The following SMARCA4 variants were observed in gnomAD, a reference collection of about 807,000 sequenced individuals.
The protein encoded by SMARCA4 is SWI/SNF related BAF chromatin remodeling complex subunit ATPase 4.
Under a neutral mutation model 193.9 loss-of-function variants are expected in SMARCA4, and 31 were observed. The observed-to-expected ratio is 0.16, with a 90% confidence interval of 0.12 to 0.22. The LOEUF (loss-of-function observed/expected upper bound fraction) is 0.22, where lower values mean the gene tolerates loss of function less well. Among genes scored for constraint, SMARCA4 ranks in the 10% least tolerant of loss-of-function variants. The pLI, the probability that SMARCA4 is intolerant of heterozygous loss-of-function variation, is 1.00. For synonymous variants in SMARCA4, 942 were observed against 933.1 expected, an observed-to-expected ratio of 1.01 and a Z score of -0.17; for missense variants, 1,148 against 2,296.0, an observed-to-expected ratio of 0.50 and a Z score of 10.22.
At chr19:11,008,644 C>T (rs551276872) in intron 14 of SMARCA4, among the ~76,000 whole-genome samples, 25 of 152,280 alleles carry the variant, frequency 1.6e-4, no homozygotes, top group Middle Eastern at 6.8e-3. Flanking sequence ...GTAATCTCTT[C>T]ATTGCTTATG....
chr19:10,999,371 T>C (rs1023939478), intron 11 of SMARCA4, among the ~76,000 whole-genome samples: 2 of 152,176 alleles, frequency 1.3e-5, no homozygotes, highest in Middle Eastern at 3.2e-3. Context: ...ATATTAAAAC[T>C]TGTGGCTGGG....
At chr19:10,989,583 C>A in intron 7 of SMARCA4, 140 bp downstream of exon 7, 1 of 919,942 alleles carries the variant, frequency 1.1e-6, no homozygotes, top group Non-Finnish European at 1.7e-6. Flanking sequence ...CATGGGCACT[C>A]AATCACTGCA....
In SMARCA4 at chr19:10,996,269, G is replaced by A. The variant is rs779183392; in HGVS notation, c.1650G>A (p.Leu550=). ...TCGACCAGAAGAAGGACAAGCGCCT[G>A]GCCTACCTCTTGCAGCAGACAGACG... ...KLIDQKKDKR[L]AYLLQQTDEY... Residue 550 remains leucine (L), a synonymous_variant, in exon 10 of 35, where the codon CTG becomes CTA. Transcript: ENST00000344626. 1 of 1,614,242 alleles carries A rather than the reference G, an allele frequency of 6.2e-7. No individual in the cohort carries two copies. The highest frequency in any genetic ancestry group is 8.5e-7 in the Non-Finnish European group (1 of 1,180,034).
At chr19:11,048,552 T>A (rs1487680516) in intron 30 of SMARCA4, among the ~76,000 whole-genome samples, 1 of 152,246 alleles carries the variant, frequency 6.6e-6, no homozygotes, top group Non-Finnish European at 1.5e-5. Flanking sequence ...TCCTCTGGAT[T>A]CGGTGTCAGG....
intron 18 of SMARCA4, chr19:11,021,369 C>T: frequency 7.8e-6 from 3 of 384,602 alleles, no homozygotes; most frequent in Non-Finnish European, 1.0e-5. Flanking sequence ...AGGACAAGTC[C>T]CCCAGTCAGC....
rs1474190001 is a variant in SMARCA4 at position 10,996,556 on chromosome 19, G to C, written c.1812+12G>C. The C allele has an allele frequency of 6.8e-6, 11 of 1,613,766 alleles. No homozygotes were observed. The highest frequency in any genetic ancestry group is 9.3e-6 in the Non-Finnish European group (11 of 1,179,616). On this transcript the variant is annotated intron_variant, in intron 11 of 34. Coordinates refer to ENST00000344626, the MANE Select transcript of SMARCA4 (RefSeq NM_003072.5). ...GGCCGGATGGCGAGGTGAGGAAGCAGGGTTTCTTGTGGAAGTATCAAGCTA... is the reference window on the plus strand; with the variant it reads ...GGCCGGATGGCGAGGTGAGGAAGCACGGTTTCTTGTGGAAGTATCAAGCTA...
chr19:10,967,602 G>A (rs913962086), intron 1 of SMARCA4, among the ~76,000 whole-genome samples: 1 of 150,912 alleles, frequency 6.6e-6, no homozygotes, highest in East Asian at 2.0e-4. Context: ...GAGCCACTGC[G>A]CCCGACTGGA....
chr19:10,978,110 T>A (rs1717605177), intron 1 of SMARCA4, among the ~76,000 whole-genome samples: 1 of 152,194 alleles, frequency 6.6e-6, no homozygotes, highest in Admixed American at 6.5e-5. Context: ...TAGATCTTCC[T>A]TCCTTGCCAT....
intron 30 of SMARCA4, among the ~76,000 whole-genome samples, chr19:11,049,442 G>A (rs867493406): frequency 2.6e-5 from 4 of 152,016 alleles, no homozygotes; most frequent in Admixed American, 6.6e-5. Flanking sequence ...CGGGCTTGTG[G>A]GGCTGTACAC....
In SMARCA4 at chr19:11,030,058, G is replaced by T. The variant is rs2074814833; in HGVS notation, c.3383-672G>T. On this transcript the variant is annotated intron_variant, in intron 24 of 34. Coordinates refer to ENST00000344626, the MANE Select transcript of SMARCA4 (RefSeq NM_003072.5). The surrounding 1 kb of genome is among the most constrained non-coding windows in gnomAD (Gnocchi z 5.5). ...AACTCCCAGCAGCGCAGGGAGTGTT[G>T]ACATTGCCTTAATGCCCACAACGCT... Among the ~76,000 whole-genome samples the T allele has an allele frequency of 6.6e-6, 1 of 152,168 alleles. No homozygotes were observed. The highest frequency in any genetic ancestry group is 2.4e-5 in the African/African-American group (1 of 41,424).
chr19:11,035,981 A>G (rs1394530256), intron 29 of SMARCA4, among the ~76,000 whole-genome samples: 2 of 152,250 alleles, frequency 1.3e-5, no homozygotes, highest in Non-Finnish European at 2.9e-5. Context: ...TGGCTATGCC[A>G]TGCAAAGTGC....
rs749549145 is a variant in SMARCA4, at chr19:10,986,644, C to T, written c.760+51C>T. 102 of 1,534,148 alleles carry T rather than the reference C, an allele frequency of 6.6e-5. No homozygotes were observed. The highest frequency in any genetic ancestry group is 8.2e-5 in the Non-Finnish European group (94 of 1,146,460). ...GGTGTCTCAGAGCGAATGGCTGGGG[C>T]GTGGGTGGCGGGGTGGACAGACCGT... is the stretch of plus-strand genomic sequence containing the variant. On this transcript the variant is annotated intron_variant, in intron 4 of 34. Transcript: ENST00000344626. This position sits in a 1 kb window ranked among gnomAD's most constrained non-coding sequence, Gnocchi z 6.7.
Position 10,985,191 on chromosome 19 carries a change from AGCTTCTCTC to A in SMARCA4, c.223-80_223-72del. 1 of 1,482,980 alleles carries A rather than the reference AGCTTCTCTC, an allele frequency of 6.7e-7. No individual in the cohort carries two copies. Among genetic ancestry groups the A allele is most frequent in the Non-Finnish European group, 9.4e-7 (1 of 1,063,962 alleles). The allele number at this position is 1,482,980 out of a possible 1,614,324, so 91.9% of individuals were successfully genotyped here. ...CGGGTGGCTGTTCTCGGTGCCCTCGAGCTTCTCTCGGGCAGCGCATAGCTGCGCTGCCAC... is the reference window on the plus strand; with the variant it reads ...CGGGTGGCTGTTCTCGGTGCCCTCGAGGGCAGCGCATAGCTGCGCTGCCAC... On this transcript the variant is annotated intron_variant, in intron 2 of 34. Coordinates refer to ENST00000344626, the MANE Select transcript of SMARCA4 (RefSeq NM_003072.5). This position sits in a 1 kb window ranked among gnomAD's most constrained non-coding sequence, Gnocchi z 4.5.
chr19:10,991,947 A>G (rs2086596059), intron 8 of SMARCA4, among the ~76,000 whole-genome samples: 2 of 152,190 alleles, frequency 1.3e-5, no homozygotes, highest in Admixed American at 6.6e-5. Context: ...GGGTTTCCCA[A>G]GATGAATCAG....
intron 30 of SMARCA4, among the ~76,000 whole-genome samples, chr19:11,043,743 G>T (rs1276977266): frequency 6.6e-6 from 1 of 152,252 alleles, no homozygotes; most frequent in African/African-American, 2.4e-5. Context: ...GGAGGCTGAG[G>T]TGGGCGGATC....
intron 30 of SMARCA4, among the ~76,000 whole-genome samples, chr19:11,057,888 A>G (rs1185298134): frequency 6.6e-6 from 1 of 152,010 alleles, no homozygotes; most frequent in Non-Finnish European, 1.5e-5. Flanking sequence ...TGATCACCTG[A>G]GGTCGGGAGT....
chr19:11,009,544 A>G (rs1331366696), intron 14 of SMARCA4, among the ~76,000 whole-genome samples: 1 of 152,052 alleles, frequency 6.6e-6, no homozygotes, highest in Non-Finnish European at 1.5e-5. Context: ...GTTTTGAGAC[A>G]GTCTTGCTCA....
At chr19:11,052,549 G>A (rs944667602) in intron 30 of SMARCA4, among the ~76,000 whole-genome samples, 1 of 152,150 alleles carries the variant, frequency 6.6e-6, no homozygotes, top group South Asian at 2.1e-4. Flanking sequence ...CTTTCCTCCT[G>A]GTAGCCCAGA....
intron 1 of SMARCA4, among the ~76,000 whole-genome samples, chr19:10,974,428 T>A (rs1485772335): frequency 6.6e-6 from 1 of 151,544 alleles, no homozygotes; most frequent in Non-Finnish European, 1.5e-5. Flanking sequence ...TTGTGGGTAT[T>A]TATTTCATGG....
Sources: gnomAD v4.1 joint callset for allele counts (sites outside exome capture counted in the v4.1 genomes callset) on GRCh38, gnomAD v4.1.1 for gene constraint, Gnocchi (gnomAD v3.1) non-coding constraint, MANE v1.5 for transcripts, NCBI Gene and HGNC (gene_info 2026-07-23, HGNC 2026-07-21) for gene names.